PTPRF: variants seen among roughly 807,000 people sequenced by gnomAD.
PTPRF encodes protein tyrosine phosphatase receptor type F.
A neutral mutation model predicts 201.8 loss-of-function variants in PTPRF; 59 were observed. The observed-to-expected ratio is 0.29, with a 90% confidence interval of 0.24 to 0.36. The LOEUF is 0.36. Ranked by LOEUF, PTPRF falls within the 10% of genes least tolerant of loss-of-function variation. The pLI is 1.00. For synonymous variants in PTPRF, 1,088 were observed against 1,089.7 expected, an observed-to-expected ratio of 1.00 and a Z score of 0.03; for missense variants, 2,132 against 2,690.5, an observed-to-expected ratio of 0.79 and a Z score of 4.59.
rs369419270 is a variant in PTPRF at position 43,606,285 on chromosome 1, C to T, written c.3529C>T (p.Arg1177Trp). ...EQGGEEQRRR[R>W]RQAERLKPYV... ...AGGCGGAGAGGAGCAGCGGCGGCGG[C>T]GGCGGCAGGCAGAACGTCTGAAGCC... Residue 1177 changes from arginine (R) to tryptophan (W), a missense_variant, in exon 20 of 34, where the codon CGG (arginine) becomes TGG (tryptophan). Arg to Trp is a moderately radical substitution (Grantham distance 101). Coordinates refer to ENST00000359947, the MANE Select transcript of PTPRF (RefSeq NM_002840.5). The T allele has an allele frequency of 6.2e-6, 10 of 1,613,582 alleles. No homozygotes were observed. In the African/African-American group the frequency reaches 9.3e-5, roughly 15 times the overall value.
chr1:43,586,237 G>A (rs1649109925), intron 7 of PTPRF, among the ~76,000 whole-genome samples: 1 of 152,230 alleles, frequency 6.6e-6, no homozygotes, highest in Non-Finnish European at 1.5e-5. Flanking sequence ...GGCACCCACT[G>A]GCCGAGAGGA....
intron 6 of PTPRF, among the ~76,000 whole-genome samples, chr1:43,570,302 C>T (rs1379467045): frequency 1.3e-5 from 2 of 152,232 alleles, no homozygotes; most frequent in African/African-American, 4.8e-5. Context: ...AGCTCGGAGC[C>T]CTGGGAGCAA....
At chr1:43,574,345 G>A (rs1402639853) in intron 6 of PTPRF, among the ~76,000 whole-genome samples, 2 of 151,936 alleles carry the variant, frequency 1.3e-5, no homozygotes, top group African/African-American at 4.8e-5. Context: ...TATTAAGACT[G>A]AGATTATTTT....
Position 43,591,046 on chromosome 1 carries a change from G to A in PTPRF, c.1024G>A (p.Gly342Arg). 1 of 1,614,042 alleles carries A rather than the reference G, an allele frequency of 6.2e-7. No homozygotes were observed. The highest frequency in any genetic ancestry group is 8.5e-7 in the Non-Finnish European group (1 of 1,180,028). ...CAGTGTCACCCTCACCTGGGACTCTGGGAACTCGGAGCCTGTAACCTACTA... is the reference window on the plus strand; with the variant it reads ...CAGTGTCACCCTCACCTGGGACTCTAGGAACTCGGAGCCTGTAACCTACTA... ...ATSVTLTWDS[G>R]NSEPVTYYGI... The change falls in exon 9 of 34, where the codon GGG (glycine) becomes AGG (arginine). Residue 342 changes from glycine to arginine, a missense_variant. Coordinates refer to ENST00000359947, the MANE Select transcript of PTPRF (RefSeq NM_002840.5).
In PTPRF at chr1:43,542,417, G is replaced by C. The variant is rs74071955; in HGVS notation, c.-45-2614G>C. Among the ~76,000 whole-genome samples, 2,384 of 152,208 alleles carry C rather than the reference G, an allele frequency of 0.016. 66 individuals are homozygous for C. Among genetic ancestry groups the C allele is most frequent in the African/African-American group, 0.054 (2,237 of 41,484 alleles). ...CATGGACCACTGGAAGAAGCTCTCT[G>C]TTCTACTTTCTGGATCTGAACAAAG... On this transcript the variant is annotated intron_variant, in intron 2 of 33. Coordinates refer to ENST00000359947, the MANE Select transcript of PTPRF (RefSeq NM_002840.5). The surrounding 1 kb of genome is among the most constrained non-coding windows in gnomAD (Gnocchi z 5.2).
At chr1:43,575,761 C>T (rs1185095753) in intron 6 of PTPRF, 8 of 580,720 alleles carry the variant, frequency 1.4e-5, no homozygotes, top group Admixed American at 9.7e-5. Flanking sequence ...ACACACTGTC[C>T]GTGTCGGCCT....
At chr1:43,617,940 G>A (rs200718418) in intron 25 of PTPRF, 29 bp downstream of exon 25, 67 of 1,585,984 alleles carry the variant, frequency 4.2e-5, no homozygotes, top group African/African-American at 3.9e-4. Flanking sequence ...GCCAGGAGGC[G>A]GGTGGGAAAT....
chr1:43,607,393 C>A lies in PTPRF; in HGVS notation c.3857+425C>A, dbSNP rs551455484. Among the ~76,000 whole-genome samples the A allele has an allele frequency of 5.3e-5, 8 of 152,338 alleles. No homozygotes were observed. The South Asian group carries it at 1.7e-3, about 32-fold the overall frequency. Reference sequence around the variant, plus strand: ...CTCTCCTGCTTAGGCCTAGAGAGGTCGAGCTGGAGGCCCACAGGCCATGGA... The same window carrying A: ...CTCTCCTGCTTAGGCCTAGAGAGGTAGAGCTGGAGGCCCACAGGCCATGGA... On this transcript the variant is annotated intron_variant, in intron 21 of 33. Coordinates refer to ENST00000359947, the MANE Select transcript of PTPRF (RefSeq NM_002840.5).
upstream of PTPRF, among the ~76,000 whole-genome samples, chr1:43,524,514 A>T (rs1643041560): frequency 6.6e-6 from 1 of 152,132 alleles, no homozygotes; most frequent in Non-Finnish European, 1.5e-5. Context: ...AAAATAAATA[A>T]ATAAAGTTGA....
chr1:43,550,679 T>C (rs7523132), intron 3 of PTPRF, among the ~76,000 whole-genome samples: 4,751 of 152,216 alleles, frequency 0.031, 259 homozygotes, highest in African/African-American at 0.11. Context: ...AAAGTAATAA[T>C]CTCACACGTG....
intron 5 of PTPRF, among the ~76,000 whole-genome samples, chr1:43,566,402 C>G (rs114409457): frequency 1.3e-5 from 2 of 152,228 alleles, no homozygotes; most frequent in African/African-American, 2.4e-5. Flanking sequence ...CTTACTGTCC[C>G]TCATACCTGG....
At chr1:43,571,073 G>A (rs1175824755) in intron 6 of PTPRF, among the ~76,000 whole-genome samples, 1 of 152,164 alleles carries the variant, frequency 6.6e-6, no homozygotes, top group African/African-American at 2.4e-5. Context: ...TCACACATTG[G>A]TTCATCTAGT....
Position 43,603,575 on chromosome 1 carries a change from G to C in PTPRF, c.2459-36G>C. On this transcript the variant is annotated intron_variant, in intron 15 of 33. Transcript: ENST00000359947. The surrounding 1 kb of genome is among the most constrained non-coding windows in gnomAD (Gnocchi z 5.8). The stretch of plus-strand genomic sequence containing the variant: ...GACGGACCTGAGGGTGGGGCAGCAG[G>C]AGGGCAGCGCCAGAGCCCAGCCCGT... 1 of 1,612,460 alleles carries C rather than the reference G, an allele frequency of 6.2e-7. No homozygotes were observed. The highest frequency in any genetic ancestry group is 2.2e-5 in the East Asian group (1 of 44,844).
intron 11 of PTPRF, among the ~76,000 whole-genome samples, chr1:43,594,708 G>A (rs1651816819): frequency 6.6e-6 from 1 of 152,092 alleles, no homozygotes; most frequent in Non-Finnish European, 1.5e-5. Flanking sequence ...CTTGTTTCTG[G>A]TGTATTAACC....
At chr1:43,615,551 CTTTTTT>C (rs68193223) in intron 23 of PTPRF, among the ~76,000 whole-genome samples, 8 of 84,156 alleles carry the variant, frequency 9.5e-5, no homozygotes, top group African/African-American at 3.4e-4. Flanking sequence ...GCTCTGTTGT[CTTTTTT>C]TTTTTTTTTT....
intron 20 of PTPRF, 132 bp downstream of exon 20, chr1:43,606,590 A>G (rs1267333659): frequency 5.4e-6 from 6 of 1,105,444 alleles, no homozygotes; most frequent in Non-Finnish European, 7.8e-6. Context: ...GGCAGCACTA[A>G]AGACCCAAGA....
At position 43,553,856 on chromosome 1, in the gene PTPRF, G is replaced by A. The variant is rs777971703; in HGVS notation, c.294G>A (p.Val98=). The change falls in exon 5 of 34, where the codon GTG becomes GTA. Residue 98 remains valine (V), a synonymous_variant. Coordinates refer to ENST00000359947, the MANE Select transcript of PTPRF (RefSeq NM_002840.5). The surrounding 1 kb of genome is among the most constrained non-coding windows in gnomAD (Gnocchi z 4.1). ...GSVLRIQPLR[V]QRDEAIYECT... is the part of the protein sequence containing the mutation. Reference sequence around the variant, plus strand: ...TGCTTCGGATCCAGCCATTGCGGGTGCAGCGAGATGAAGCCATCTATGAGT... The same window carrying A: ...TGCTTCGGATCCAGCCATTGCGGGTACAGCGAGATGAAGCCATCTATGAGT... 3.1e-6 allele frequency: 5 copies of A among 1,614,222 alleles called. No homozygotes were observed. In the South Asian group the frequency reaches 4.4e-5, roughly 14 times the overall value.
chr1:43,597,752 C>A lies in PTPRF; in HGVS notation c.1818C>A (p.Pro606=), dbSNP rs777679739. The change falls in exon 12 of 34, where the codon CCC becomes CCA. Residue 606 remains proline, a synonymous_variant. Transcript: ENST00000359947. ...TIEARTAQST[P]SAPPQKVMCV... is the part of the protein sequence containing the mutation. ...CCCCCCATTTGTCTTCCCCAGCCCC[C>A]TCCGCCCCTCCCCAGAAGGTGATGT... The A allele has an allele frequency of 1.3e-6, 2 of 1,577,694 alleles. No individual in the cohort carries two copies. The highest frequency in any genetic ancestry group is 2.3e-5 in the South Asian group (2 of 86,468).
rs1644115484 is a variant in PTPRF, at chr1:43,537,812, T to G, written c.-125-386T>G. 1.3e-5 allele frequency among the ~76,000 whole-genome samples: 2 copies of G among 152,114 alleles called. No homozygotes were observed. The highest frequency in any genetic ancestry group is 2.9e-5 in the Non-Finnish European group (2 of 68,020). On this transcript the variant is annotated intron_variant, in intron 1 of 33. Transcript: ENST00000359947. The surrounding 1 kb of genome is among the most constrained non-coding windows in gnomAD (Gnocchi z 4.8). ...GAGGATCAGAAGAGGAAGTTCCCGT[T>G]CTGGCAGGAGGAGAGCATGGGCAGG...
Sources: allele counts gnomAD v4.1 joint callset (sites outside exome capture counted in the v4.1 genomes callset), GRCh38; gene constraint gnomAD v4.1.1; non-coding constraint Gnocchi (gnomAD v3.1); transcripts MANE v1.5; gene names NCBI Gene and HGNC (gene_info 2026-07-23, HGNC 2026-07-21).